NEK5: variants seen among roughly 807,000 people sequenced by gnomAD.
NEK5 encodes the protein serine/threonine-protein kinase Nek5.
A neutral mutation model predicts 109.2 loss-of-function variants in NEK5; 88 were observed. The observed-to-expected ratio is 0.81, with a 90% CI of 0.68 to 0.96. The LOEUF is 0.96. NEK5 is among the 40% of genes least tolerant of loss of function. The pLI, the probability that NEK5 is intolerant of heterozygous loss-of-function variation, is 0.00. For missense variants in NEK5, 834 were observed against 920.7 expected, an observed-to-expected ratio of 0.91 and a Z score of 1.22; for synonymous variants, 283 against 299.9, an observed-to-expected ratio of 0.94 and a Z score of 0.58.
intron 21 of NEK5, among the ~76,000 whole-genome samples, chr13:52,062,745 C>T (rs965817675): frequency 3.9e-5 from 6 of 152,024 alleles, no homozygotes; most frequent in African/African-American, 1.5e-4. Context: ...TAAGGAAAGG[C>T]TATGTGAGAG....
intron 19 of NEK5, among the ~76,000 whole-genome samples, chr13:52,072,298 A>T (rs1335683611): frequency 6.6e-6 from 1 of 152,246 alleles, no homozygotes; most frequent in Admixed American, 6.5e-5. Flanking sequence ...CACTGGTCAT[A>T]AGGCAACTTA....
At chr13:52,059,821 G>T (rs1317954626) in intron 22 of NEK5, among the ~76,000 whole-genome samples, 1 of 151,826 alleles carries the variant, frequency 6.6e-6, no homozygotes, top group Non-Finnish European at 1.5e-5. Context: ...GGGGGACGGG[G>T]GAGGGATAGC....
At chr13:52,101,881 T>A in intron 11 of NEK5, 52 bp downstream of exon 11, 1 of 1,366,986 alleles carries the variant, frequency 7.3e-7, no homozygotes, top group Non-Finnish European at 1.0e-6. Context: ...TTACTCTCTG[T>A]GTGAGACATG....
At chr13:52,055,253 A>ACC (rs1189738798) in intron 22 of NEK5, among the ~76,000 whole-genome samples, 1 of 152,220 alleles carries the variant, frequency 6.6e-6, no homozygotes, top group Non-Finnish European at 1.5e-5. Flanking sequence ...TAGAGAAAAA[A>ACC]GAATAAAAAG....
intron 20 of NEK5, 101 bp downstream of exon 20, chr13:52,071,843 C>T (rs1954789202): frequency 9.7e-7 from 1 of 1,025,824 alleles, no homozygotes; most frequent in Non-Finnish European, 1.5e-6. Flanking sequence ...AGAAAGGGGT[C>T]AAGTAACAGT....
chr13:52,040,148 A>G (rs2140880538), intron 23 of NEK5, among the ~76,000 whole-genome samples: 1 of 148,216 alleles, frequency 6.7e-6, no homozygotes, highest in African/African-American at 2.5e-5. Flanking sequence ...GCAATGGCTC[A>G]ACCTCGGCTC....
chr13:52,110,219 A>G, intron 7 of NEK5, 121 bp downstream of exon 7: 2 of 664,382 alleles, frequency 3.0e-6, no homozygotes, highest in Non-Finnish European at 5.3e-6. Flanking sequence ...ATGCATTTAC[A>G]TAAAGCTACC....
At chr13:52,092,441 A>C (rs1302077739) in intron 13 of NEK5, among the ~76,000 whole-genome samples, 1 of 152,160 alleles carries the variant, frequency 6.6e-6, no homozygotes, top group Non-Finnish European at 1.5e-5. Flanking sequence ...AAAAGAAAGA[A>C]AGGCTGGGAA....
chr13:52,120,728 T>C (rs1955951145), intron 3 of NEK5, among the ~76,000 whole-genome samples: 1 of 152,092 alleles, frequency 6.6e-6, no homozygotes, highest in Admixed American at 6.5e-5. Context: ...CTGGCCAACA[T>C]AGCAAAACCC....
intron 3 of NEK5, among the ~76,000 whole-genome samples, chr13:52,124,755 G>T (rs2059430938): frequency 6.6e-6 from 1 of 152,012 alleles, no homozygotes; most frequent in Admixed American, 6.6e-5. Flanking sequence ...TTTATTTATA[G>T]TGTTTGTTTT....
chr13:52,071,760 A>G (rs1459763282), intron 20 of NEK5, among the ~76,000 whole-genome samples, 184 bp downstream of exon 20: 1 of 152,196 alleles, frequency 6.6e-6, no homozygotes, highest in Admixed American at 6.5e-5. Context: ...GGAGGGCTGG[A>G]TCTCAGGGAG....
At chr13:52,053,039 A>G (rs7320252) in intron 22 of NEK5, among the ~76,000 whole-genome samples, 90,375 of 152,068 alleles carry the variant, frequency 0.59, 29,107 homozygotes, top group Non-Finnish European at 0.72. Flanking sequence ...AGTGGCTCAC[A>G]CCTGTAATCC....
chr13:52,084,762 A>AGAGTGT lies in NEK5; in HGVS notation c.1480-1411_1480-1410insACACTC, dbSNP rs1228944662. ...GAGAGAGAGAGAGAGAGAGAGAGAG[A>AGAGTGT]GTGTGTGTGTGTGTGTGTGTGTGTG... On this transcript the variant is annotated intron_variant, in intron 16 of 23. Coordinates refer to ENST00000684899, the MANE Select transcript of NEK5 (RefSeq NM_001365552.1). Among the ~76,000 whole-genome samples, 365 of 47,436 alleles carry AGAGTGT rather than the reference A, an allele frequency of 7.7e-3. 6 individuals are homozygous for AGAGTGT. The highest frequency in any genetic ancestry group is 0.021 in the African/African-American group (286 of 13,562). 31.1% of individuals were successfully genotyped at this position (47,436 alleles called of 152,430 possible).
chr13:52,052,458 TCA>T (rs950459829), intron 22 of NEK5, among the ~76,000 whole-genome samples: 2 of 152,134 alleles, frequency 1.3e-5, no homozygotes, highest in African/African-American at 4.8e-5. Context: ...GATGGGCTGC[TCA>T]CAGAGTAGCT....
chr13:52,071,844 A>G, intron 20 of NEK5, 100 bp downstream of exon 20: 1 of 1,031,984 alleles, frequency 9.7e-7, no homozygotes, highest in Non-Finnish European at 1.5e-6. Context: ...GAAAGGGGTC[A>G]AGTAACAGTG....
intron 17 of NEK5, among the ~76,000 whole-genome samples, chr13:52,080,510 G>C (rs571883864): frequency 6.6e-6 from 1 of 152,236 alleles, no homozygotes; most frequent in East Asian, 1.9e-4. Context: ...TGTAGAAAGA[G>C]GTAGACATGG....
chr13:52,076,162 A>T lies in NEK5; in HGVS notation c.1573-19T>A. On this transcript the variant is annotated intron_variant, in intron 17 of 23. Transcript: ENST00000684899. Reference sequence around the variant, plus strand: ...CAATGTCCTGAAAATTTAGAGAAAAATACAATTCTCTCACTGTATGTTTAC... The same window carrying T: ...CAATGTCCTGAAAATTTAGAGAAAATTACAATTCTCTCACTGTATGTTTAC... 1 of 1,380,028 alleles carries T rather than the reference A, an allele frequency of 7.2e-7. No homozygotes were observed. Among genetic ancestry groups the T allele is most frequent in the Non-Finnish European group, 1.0e-6 (1 of 976,658 alleles). The allele number at this position is 1,380,028 out of a possible 1,614,324, so 85.5% of individuals were successfully genotyped here. A position where few individuals can be genotyped will look rare whatever the true frequency, so the allele number is the denominator to read the frequency against.
intron 21 of NEK5, among the ~76,000 whole-genome samples, chr13:52,062,544 C>T (rs544144061): frequency 1.3e-5 from 2 of 152,088 alleles, no homozygotes; most frequent in African/African-American, 4.8e-5. Context: ...CCTCAGCCTC[C>T]CGAGTAGCTG....
intron 19 of NEK5, among the ~76,000 whole-genome samples, chr13:52,075,324 G>A (rs1369420134): frequency 6.6e-6 from 1 of 152,164 alleles, no homozygotes; most frequent in Non-Finnish European, 1.5e-5. Flanking sequence ...CATGCAACAT[G>A]GATGCAGCTG....
Sources: gnomAD v4.1 joint callset for allele counts (sites outside exome capture counted in the v4.1 genomes callset) on GRCh38, gnomAD v4.1.1 for gene constraint, MANE v1.5 for transcripts, NCBI Gene and HGNC (gene_info 2026-07-23, HGNC 2026-07-21) for gene names.